Variants in COL5A1 observed in about 807,000 individuals in gnomAD.
COL5A1 encodes collagen type V alpha 1 chain.
Under a neutral mutation model 263.7 loss-of-function variants are expected in COL5A1, and 16 were observed. That is an observed-to-expected ratio of 0.06 (90% CI 0.04 to 0.09). COL5A1 has a LOEUF of 0.09. Among genes scored for constraint, COL5A1 ranks in the 10% least tolerant of loss-of-function variants. COL5A1 has a pLI of 1.00. For missense variants in COL5A1, 2,036 were observed against 2,540.5 expected (o/e 0.80, Z 4.27); for synonymous variants, 1,012 against 1,004.5 (o/e 1.01, Z -0.14).
chr9:134,773,336 C>T (rs1336482523), intron 26 of COL5A1, among the ~76,000 whole-genome samples: 1 of 152,204 alleles, frequency 6.6e-6, no homozygotes, highest in East Asian at 1.9e-4. Context: ...GCAGCACGTC[C>T]ACCAGCGCCT....
chr9:134,812,449 G>T lies in COL5A1; in HGVS notation c.3691G>T (p.Gly1231Cys). 1 of 1,614,072 alleles carries T rather than the reference G, an allele frequency of 6.2e-7. No individual in the cohort carries two copies. Among genetic ancestry groups the T allele is most frequent in the Non-Finnish European group, 8.5e-7 (1 of 1,180,002 alleles). Residue 1231 changes from glycine to cysteine, a missense_variant and splice_region_variant, in exon 47 of 66, where the codon GGT becomes TGT. Gly to Cys is a radical substitution (Grantham distance 159). Around this residue, in one of 3 missense-constraint regions of COL5A1, gnomAD observed 1,078 missense variants for 1,521.4 expected, o/e 0.71. Coordinates refer to ENST00000371817, the MANE Select transcript of COL5A1 (RefSeq NM_000093.5). ...PGPPGPVGLQ[G>C]LPGPPGEKGE... ...TAACTGGGAAGTTTCCTGTTCTCAG[G>T]GTTTGCCAGGACCTCCAGGCGAGAA...
At chr9:134,744,075 C>T (rs1243854881) in intron 11 of COL5A1, among the ~76,000 whole-genome samples, 1 of 152,194 alleles carries the variant, frequency 6.6e-6, no homozygotes, top group Non-Finnish European at 1.5e-5. Flanking sequence ...CACTCACGAG[C>T]ACGCAGCTGC....
chr9:134,767,416 A>G, intron 24 of COL5A1, 62 bp downstream of exon 24: 1 of 1,486,452 alleles, frequency 6.7e-7, no homozygotes. Flanking sequence ...CCCTGGCCCC[A>G]CCCTGGGAGG....
chr9:134,795,912 C>A (rs555964775), intron 34 of COL5A1, among the ~76,000 whole-genome samples: 9 of 152,200 alleles, frequency 5.9e-5, no homozygotes, highest in African/African-American at 2.2e-4. Flanking sequence ...CTCGGCTGAC[C>A]GGAATGCACC....
In COL5A1 at chr9:134,755,171, C is replaced by T. The variant is rs932478666; in HGVS notation, c.1827+845C>T. On this transcript the variant is annotated intron_variant, in intron 16 of 65. Transcript: ENST00000371817. The surrounding 1 kb of genome is among the most constrained non-coding windows in gnomAD (Gnocchi z 4.1). Reference sequence around the variant, plus strand: ...CAGGGATCTGGGCATGAAACAGAGGCCTGGGCTGGATAATTCCAGGAGGAT... The same window carrying T: ...CAGGGATCTGGGCATGAAACAGAGGTCTGGGCTGGATAATTCCAGGAGGAT... 3.3e-5 allele frequency among the ~76,000 whole-genome samples: 5 copies of T among 152,298 alleles called. No homozygotes were observed. The South Asian group carries it at 1.0e-3, about 32-fold the overall frequency.
chr9:134,808,442 G>A (rs1838374707), intron 42 of COL5A1, among the ~76,000 whole-genome samples: 1 of 152,212 alleles, frequency 6.6e-6, no homozygotes, highest in Admixed American at 6.5e-5. Flanking sequence ...AAAATAGTGT[G>A]TGCGTATGCC....
chr9:134,684,852 G>T (rs1832959200), intron 1 of COL5A1, among the ~76,000 whole-genome samples: 1 of 152,114 alleles, frequency 6.6e-6, no homozygotes, highest in Non-Finnish European at 1.5e-5. Context: ...CCATTCACTT[G>T]CTCATCTGTT....
In COL5A1 at chr9:134,796,789, C is replaced by T. The variant is rs7035796; in HGVS notation, c.2845-59C>T. On this transcript the variant is annotated intron_variant, in intron 35 of 65. Coordinates refer to ENST00000371817, the MANE Select transcript of COL5A1 (RefSeq NM_000093.5). ...AGAGCCACCGGCACAGGCAGGTCAG[C>T]GGCAGGAGCTGCTCGGGAGAGACCT... 3,477 of 1,513,004 alleles carry T rather than the reference C, an allele frequency of 2.3e-3. 13 individuals are homozygous for T. The highest frequency in any genetic ancestry group is 9.0e-3 in the Middle Eastern group (53 of 5,874). 93.7% of individuals were successfully genotyped at this position (1,513,004 alleles called of 1,614,324 possible). A position where few individuals can be genotyped will look rare whatever the true frequency, so the allele number is the denominator to read the frequency against.
At chr9:134,770,041 G>A (rs1836820794) in intron 25 of COL5A1, among the ~76,000 whole-genome samples, 1 of 152,148 alleles carries the variant, frequency 6.6e-6, no homozygotes, top group Non-Finnish European at 1.5e-5. Flanking sequence ...TCCCCAGCCC[G>A]AATTTAAAGC....
intron 29 of COL5A1, among the ~76,000 whole-genome samples, chr9:134,784,328 T>G (rs539886181): frequency 1.3e-5 from 2 of 152,324 alleles, no homozygotes; most frequent in East Asian, 3.9e-4. Flanking sequence ...CAGAGGAGGA[T>G]CCATCCATTG....
chr9:134,784,918 C>T, intron 29 of COL5A1, 71 bp from the exon 30 acceptor site: 2 of 1,317,548 alleles, frequency 1.5e-6, no homozygotes, highest in Non-Finnish European at 2.2e-6. Context: ...GCTCCTTGCT[C>T]TCAGAATGGT....
rs376000520 is a variant in COL5A1, at chr9:134,686,729, T to C, written c.110-4183T>C. Among the ~76,000 whole-genome samples, 2 of 152,306 alleles carry C rather than the reference T, an allele frequency of 1.3e-5. No individual in the cohort carries two copies. Among genetic ancestry groups the C allele is most frequent in the East Asian group, 3.9e-4 (2 of 5,176 alleles). On this transcript the variant is annotated intron_variant, in intron 1 of 65. Transcript: ENST00000371817. The surrounding 1 kb of genome is among the most constrained non-coding windows in gnomAD (Gnocchi z 4.6). ...CAGGGGATGCAGGGGCCAACTTCTC[T>C]AACTCTGATCAACTCGGGGATGGAC...
chr9:134,712,259 C>G (rs1232658388), intron 4 of COL5A1, among the ~76,000 whole-genome samples: 1 of 14,348 alleles, frequency 7.0e-5, no homozygotes, highest in Admixed American at 6.5e-4. Context: ...CTTCCTCCCC[C>G]CTCCTTCCTG....
intron 44 of COL5A1, 75 bp downstream of exon 44, chr9:134,810,383 C>T: frequency 1.4e-6 from 2 of 1,399,464 alleles, no homozygotes; most frequent in Non-Finnish European, 2.0e-6. Context: ...GGCCGTGTGC[C>T]ATGCACGTTC....
chr9:134,648,488 C>A (rs926507007), intron 1 of COL5A1, among the ~76,000 whole-genome samples: 2 of 152,048 alleles, frequency 1.3e-5, no homozygotes, highest in African/African-American at 4.8e-5. Flanking sequence ...GGATTCCTAT[C>A]CTGGCTCCAG....
chr9:134,753,450 G>A (rs1835860349), intron 14 of COL5A1, among the ~76,000 whole-genome samples: 1 of 152,166 alleles, frequency 6.6e-6, no homozygotes, highest in Admixed American at 6.5e-5. Flanking sequence ...TCCACACAGG[G>A]CCTGACTCAG....
intron 28 of COL5A1, 117 bp from the exon 29 acceptor site, chr9:134,782,550 C>G (rs761683219): frequency 6.2e-6 from 6 of 961,746 alleles, no homozygotes; most frequent in Non-Finnish European, 1.0e-5. Flanking sequence ...GGGCCATGTG[C>G]TGCCCCCCAA....
chr9:134,796,286 C>G, intron 34 of COL5A1, 88 bp from the exon 35 acceptor site: 1 of 1,437,356 alleles, frequency 7.0e-7, no homozygotes. Flanking sequence ...ATATTTGACT[C>G]AGACGTTTTG....
intron 4 of COL5A1, among the ~76,000 whole-genome samples, chr9:134,723,091 G>A (rs573877946): frequency 6.6e-6 from 1 of 152,294 alleles, no homozygotes; most frequent in East Asian, 1.9e-4. Context: ...CACAGCCCCC[G>A]AGGTGAAGTC....
Sources: gnomAD v4.1 joint callset for allele counts (sites outside exome capture counted in the v4.1 genomes callset) on GRCh38, gnomAD v4.1.1 for gene constraint, gnomAD v4.1.1 regional missense constraint, Gnocchi (gnomAD v3.1) non-coding constraint, MANE v1.5 for transcripts, NCBI Gene and HGNC (gene_info 2026-07-23, HGNC 2026-07-21) for gene names.